Variants in SPDYE14 observed in about 807,000 individuals in gnomAD.
SPDYE14 encodes speedy/RINGO cell cycle regulator family member E14.
the SPDYE14 span, among the ~76,000 whole-genome samples, chr7:75,279,468 G>T: frequency 3.1e-4 from 33 of 104,946 alleles, no homozygotes; most frequent in Non-Finnish European, 3.8e-4. Context: ...TTTTTTTTTT[G>T]AGACGGAGTC....
chr7:75,249,636 T>C, the SPDYE14 span, among the ~76,000 whole-genome samples: 66 of 34,960 alleles, frequency 1.9e-3, no homozygotes, highest in East Asian at 6.1e-3. Context: ...CTTCCTTCCT[T>C]CCTCCCTCCC....
At chr7:75,240,734 C>T in the SPDYE14 span, among the ~76,000 whole-genome samples, 4 of 47,726 alleles carry the variant, frequency 8.4e-5, 1 homozygote, top group Non-Finnish European at 1.8e-4. Context: ...TTTCAATCTG[C>T]AGACTGTGTA....
chr7:75,275,330 G>A, the SPDYE14 span, among the ~76,000 whole-genome samples: 1,718 of 48,702 alleles, frequency 0.035, 194 homozygotes, highest in African/African-American at 0.079. Context: ...GATGGTTGCC[G>A]TGTCTGTGTA....
chr7:75,249,612 TCCTTCCTTCCTTCCTTCCTTCCTTCCTC>T, the SPDYE14 span, among the ~76,000 whole-genome samples: 7 of 58,918 alleles, frequency 1.2e-4, no homozygotes, highest in South Asian at 6.5e-4. Context: ...CTTCCTTCCT[TCCTTCCTTCCTTCCTTCCTTCCTTCCTC>T]CCTCCCTCCC....
chr7:75,247,610 C>T, the SPDYE14 span, among the ~76,000 whole-genome samples: 2 of 18,928 alleles, frequency 1.1e-4, no homozygotes, highest in Non-Finnish European at 1.5e-4. Flanking sequence ...TTTTTTGAGA[C>T]GAAGCCTCAC....
chr7:75,249,922 A>C, the SPDYE14 span, among the ~76,000 whole-genome samples: 7,144 of 93,504 alleles, frequency 0.076, 42 homozygotes, highest in African/African-American at 0.12. Context: ...CACCCACCTC[A>C]GCCTCCCAAA....
the SPDYE14 span, among the ~76,000 whole-genome samples, chr7:75,268,845 C>CAGAGAGAG: frequency 6.2e-4 from 6 of 9,612 alleles, no homozygotes; most frequent in Admixed American, 1.5e-3. Context: ...GCACTCCAGC[C>CAGAGAGAG]AGAGAGAGAG....
At chr7:75,273,279 G>A in the SPDYE14 span, among the ~76,000 whole-genome samples, 2 of 61,504 alleles carry the variant, frequency 3.3e-5, 1 homozygote, top group African/African-American at 7.7e-5. Context: ...GCTCGCACCT[G>A]TAATCCCAGC....
the SPDYE14 span, among the ~76,000 whole-genome samples, chr7:75,261,477 T>A: frequency 2.0e-5 from 2 of 100,728 alleles, no homozygotes; most frequent in African/African-American, 6.9e-5. Flanking sequence ...TTTTTTTTTT[T>A]AAAGAGACAG....
chr7:75,249,578 T>TTCCTTCC, the SPDYE14 span, among the ~76,000 whole-genome samples: 1 of 60,240 alleles, frequency 1.7e-5, no homozygotes, highest in African/African-American at 7.2e-5. Flanking sequence ...TCCTTCCTTC[T>TTCCTTCC]TTCCTTCCTT....
At chr7:75,240,248 T>G in the SPDYE14 span, among the ~76,000 whole-genome samples, 2 of 35,866 alleles carry the variant, frequency 5.6e-5, no homozygotes, top group Admixed American at 4.6e-4. Context: ...ATGTTGGAAA[T>G]GGTACAGGTG....
the SPDYE14 span, among the ~76,000 whole-genome samples, chr7:75,275,126 G>A: frequency 3.3e-5 from 2 of 61,012 alleles, no homozygotes; most frequent in African/African-American, 7.9e-5. Flanking sequence ...CCCCCTGCCC[G>A]GCCAGCCGCC....
chr7:75,245,407 T>G, the SPDYE14 span, among the ~76,000 whole-genome samples: 4 of 109,500 alleles, frequency 3.7e-5, no homozygotes, highest in Admixed American at 1.1e-4. Context: ...GGTGACAGAG[T>G]GAGTGAGACT....
chr7:75,300,700 A>G, the SPDYE14 span, among the ~76,000 whole-genome samples: 20 of 2,902 alleles, frequency 6.9e-3, no homozygotes, highest in African/African-American at 0.013. Context: ...ATCTTAGCTC[A>G]CTGCAAGCTC....
chr7:75,237,890 C>T, the SPDYE14 span, among the ~76,000 whole-genome samples: 2 of 102,594 alleles, frequency 1.9e-5, no homozygotes, highest in South Asian at 4.2e-4. Flanking sequence ...GGAGCGCGGG[C>T]ACCCTCAGGA....
the SPDYE14 span, among the ~76,000 whole-genome samples, chr7:75,249,928 C>T: frequency 1.7e-5 from 2 of 116,212 alleles, 1 homozygote; most frequent in African/African-American, 6.7e-5. Flanking sequence ...CCTCAGCCTC[C>T]CAAAGTGCTG....
At chr7:75,251,882 G>A in the SPDYE14 span, among the ~76,000 whole-genome samples, 48 of 2,626 alleles carry the variant, frequency 0.018, 2 homozygotes, top group African/African-American at 0.045. Context: ...AGGCTGAGGC[G>A]GGAGAATGGC....
the SPDYE14 span, among the ~76,000 whole-genome samples, chr7:75,265,266 A>ATT: frequency 2.0e-5 from 2 of 99,854 alleles, no homozygotes; most frequent in African/African-American, 7.7e-5. Context: ...TGCCTGGCTA[A>ATT]TTTTTTTTTT....
At chr7:75,255,160 C>G in the SPDYE14 span, among the ~76,000 whole-genome samples, 2 of 28,578 alleles carry the variant, frequency 7.0e-5, 1 homozygote, top group African/African-American at 1.7e-4. Flanking sequence ...CTTTCTTTCT[C>G]TTTCTTTCTC....
Sources: gnomAD v4.1 joint callset for allele counts (sites outside exome capture counted in the v4.1 genomes callset) on GRCh38, gnomAD v4.1.1 for gene constraint, MANE v1.5 for transcripts, NCBI Gene and HGNC (gene_info 2026-07-23, HGNC 2026-07-21) for gene names.